FBRSL1: variants seen among roughly 807,000 people sequenced by gnomAD.
FBRSL1 encodes the protein fibrosin like 1.
FBRSL1 carries 51 observed loss-of-function variants against 89.6 expected under a neutral mutation model. That is an observed-to-expected ratio of 0.57 (90% CI 0.45 to 0.72). The LOEUF is 0.72. Among genes scored for constraint, FBRSL1 ranks in the 30% least tolerant of loss-of-function variants. FBRSL1 has a pLI of 0.00. For synonymous variants in FBRSL1, 779 were observed against 681.1 expected (o/e 1.14, Z -2.24); for missense variants, 1,618 against 1,451.8 (o/e 1.11, Z -1.86).
At chr12:132,556,756 CAA>C (rs1417289466) in intron 5 of FBRSL1, among the ~76,000 whole-genome samples, 19 of 109,484 alleles carry the variant, frequency 1.7e-4, no homozygotes, top group African/African-American at 4.5e-4. Flanking sequence ...TGCTGCACCC[CAA>C]CCCCTGTCCT....
intron 5 of FBRSL1, among the ~76,000 whole-genome samples, chr12:132,558,894 G>C (rs1194928877): frequency 6.6e-6 from 1 of 152,244 alleles, no homozygotes; most frequent in African/African-American, 2.4e-5. Flanking sequence ...CCTGTGTGCT[G>C]CCAGCCACGC....
chr12:132,572,110 G>A, intron 9 of FBRSL1, 178 bp from the exon 10 acceptor site: 1 of 606,282 alleles, frequency 1.6e-6, no homozygotes. Context: ...GTCTGAGACT[G>A]AGTTCAGAGC....
chr12:132,511,327 C>T (rs1243441065), intron 2 of FBRSL1: 8 of 985,546 alleles, frequency 8.1e-6, no homozygotes, highest in Non-Finnish European at 9.6e-6. Context: ...CTGCAGCGTC[C>T]CGTCTGGCTG....
At chr12:132,529,806 G>A (rs74997534) in intron 4 of FBRSL1, among the ~76,000 whole-genome samples, 450 of 138,948 alleles carry the variant, frequency 3.2e-3, no homozygotes, top group African/African-American at 0.011. Context: ...CTCTCACCTG[G>A]TTTGGCCCAG....
At position 132,543,456 on chromosome 12, in the gene FBRSL1, C is replaced by G. The variant is rs1054471875; in HGVS notation, c.616-4547C>G. ...CATTCGACACCCCAGGGCTGGGGCC[C>G]AGAAGCTGGGGGAGGTGTTGGGAAC... On this transcript the variant is annotated intron_variant, in intron 4 of 18. Transcript: ENST00000680143. Among the ~76,000 whole-genome samples, 13 of 152,156 alleles carry G rather than the reference C, an allele frequency of 8.5e-5. No homozygotes were observed. In the East Asian group the frequency reaches 1.9e-3, roughly 23 times the overall value.
At chr12:132,523,056 A>C (rs2035499279) in intron 2 of FBRSL1, among the ~76,000 whole-genome samples, 1 of 152,134 alleles carries the variant, frequency 6.6e-6, no homozygotes, top group Non-Finnish European at 1.5e-5. Flanking sequence ...GGGTGGGCAC[A>C]GGTGCAGTAG....
intron 2 of FBRSL1, among the ~76,000 whole-genome samples, chr12:132,521,981 G>A (rs1159859096): frequency 6.6e-6 from 1 of 152,122 alleles, no homozygotes; most frequent in African/African-American, 2.4e-5. Flanking sequence ...TGTGTACAGG[G>A]CCAGTGTGAC....
intron 1 of FBRSL1, among the ~76,000 whole-genome samples, chr12:132,497,332 G>T (rs1021612177): frequency 6.6e-6 from 1 of 152,064 alleles, no homozygotes; most frequent in Non-Finnish European, 1.5e-5. Context: ...GGGGAGAGGA[G>T]CCCGGGGTGG....
At position 132,558,375 on chromosome 12, in the gene FBRSL1, C is replaced by T. The variant is rs577155294; in HGVS notation, c.646-9106C>T. On this transcript the variant is annotated intron_variant, in intron 5 of 18. Transcript: ENST00000680143. ...CACGTCTGTTTTCTCGTCGGTGAGA[C>T]GAGTGGTGGCTTATCCAAGTCCTCA... Among the ~76,000 whole-genome samples, 20 of 152,310 alleles carry T rather than the reference C, an allele frequency of 1.3e-4. No individual in the cohort carries two copies. The South Asian group carries it at 3.7e-3, about 28-fold the overall frequency.
intron 18 of FBRSL1, 75 bp from the exon 19 acceptor site, chr12:132,582,896 C>A: frequency 8.2e-7 from 1 of 1,215,526 alleles, no homozygotes; most frequent in Non-Finnish European, 1.1e-6. Flanking sequence ...CGACAAGCAA[C>A]GGGAACATCC....
chr12:132,529,206 C>T (rs1419108341), intron 4 of FBRSL1, among the ~76,000 whole-genome samples: 3 of 152,182 alleles, frequency 2.0e-5, no homozygotes, highest in Non-Finnish European at 4.4e-5. Context: ...ACCACAGCAG[C>T]TTTTTATAGG....
At chr12:132,556,863 A>C (rs116714318) in intron 5 of FBRSL1, among the ~76,000 whole-genome samples, 3,720 of 34,206 alleles carry the variant, frequency 0.11, 198 homozygotes, top group African/African-American at 0.31. Context: ...GCTGCCCCCC[A>C]AACCCCCGTC....
intron 2 of FBRSL1, among the ~76,000 whole-genome samples, chr12:132,522,929 G>GT (rs2035485266): frequency 6.6e-6 from 1 of 150,610 alleles, no homozygotes; most frequent in Admixed American, 6.6e-5. Flanking sequence ...TGTCACTCTA[G>GT]GGGGGGCAGG....
At chr12:132,494,834 G>C (rs558886984) in intron 1 of FBRSL1, among the ~76,000 whole-genome samples, 30 of 152,314 alleles carry the variant, frequency 2.0e-4, no homozygotes, top group Admixed American at 1.7e-3. Flanking sequence ...CAGCCTCCTG[G>C]CTCGGTGGCC....
rs909393498 is a variant in FBRSL1 at position 132,572,501 on chromosome 12, C to G, written c.1435-26C>G. 7.2e-6 allele frequency: 11 copies of G among 1,533,036 alleles called. No homozygotes were observed. The African/African-American group carries it at 1.5e-4, about 21-fold the overall frequency. The allele number at this position is 1,533,036 out of a possible 1,614,324, so 95.0% of individuals were successfully genotyped here. ...GGTGGGGTGAGGACTTGGGCCCCCC[C>G]TCCATCCGCTCTCCTTCTCTTACAG... On this transcript the variant is annotated intron_variant, in intron 10 of 18. Transcript: ENST00000680143.
chr12:132,509,871 C>T, intron 2 of FBRSL1: 2 of 1,231,914 alleles, frequency 1.6e-6, no homozygotes, highest in South Asian at 8.2e-5. Flanking sequence ...ACGCCGACGG[C>T]CCGCCAGCTT....
intron 2 of FBRSL1, among the ~76,000 whole-genome samples, chr12:132,514,225 G>T (rs531587751): frequency 1.3e-5 from 2 of 152,294 alleles, no homozygotes; most frequent in East Asian, 1.9e-4. Context: ...TGAGTGGGGG[G>T]CTGGGGGGGC....
At chr12:132,514,044 A>G (rs2034609162) in intron 2 of FBRSL1, among the ~76,000 whole-genome samples, 1 of 152,088 alleles carries the variant, frequency 6.6e-6, no homozygotes, top group African/African-American at 2.4e-5. Context: ...CGTGTTGGAA[A>G]CACCACCTCC....
Position 132,572,348 on chromosome 12 carries a change from A to T in FBRSL1, c.1434+4A>T, listed in dbSNP as rs1566231869. The T allele has an allele frequency of 6.4e-7, 1 of 1,550,918 alleles. No homozygotes were observed. Among genetic ancestry groups the T allele is most frequent in the Non-Finnish European group, 8.7e-7 (1 of 1,146,666 alleles). On this transcript the variant is annotated splice_donor_region_variant and intron_variant, in intron 10 of 18. Transcript: ENST00000680143. ...CTTCCGACATTCCAGCGTGAGTGTG[A>T]GTGTCCCCGAGGGGCCCGGCGCGTG...
Sources: allele counts gnomAD v4.1 joint callset (sites outside exome capture counted in the v4.1 genomes callset), GRCh38; gene constraint gnomAD v4.1.1; transcripts MANE v1.5; gene names NCBI Gene and HGNC (gene_info 2026-07-23, HGNC 2026-07-21).